The following BAIAP2L2 variants were observed in gnomAD, a reference collection of about 807,000 sequenced individuals.
The protein encoded by BAIAP2L2 is BAR/IMD domain containing adaptor protein 2 like 2.
In BAIAP2L2, 65 loss-of-function variants were observed where a neutral mutation model predicts 60.4. The observed-to-expected ratio is 1.08, with a 90% CI of 0.88 to 1.32. BAIAP2L2 has a LOEUF of 1.32. Among genes scored for constraint, BAIAP2L2 ranks in the 40% most tolerant of loss-of-function variants. The probability of loss-of-function intolerance (pLI) is 0.00; values close to 1 mark genes in which losing one functional copy is unlikely to be tolerated. For synonymous variants in BAIAP2L2, 344 were observed against 301.7 expected, an observed-to-expected ratio of 1.14 and a Z score of -1.45; for missense variants, 836 against 741.2, an observed-to-expected ratio of 1.13 and a Z score of -1.48.
chr22:38,085,534 A>AGAT (rs1220428569), intron 13 of BAIAP2L2, 152 bp downstream of exon 13: 6 of 1,248,866 alleles, frequency 4.8e-6, no homozygotes, highest in East Asian at 2.3e-5. Flanking sequence ...TTCTTTTAAG[A>AGAT]GATAGGGTCT....
At chr22:38,104,687 G>A (rs1357103140) in intron 4 of BAIAP2L2, among the ~76,000 whole-genome samples, 1 of 152,004 alleles carries the variant, frequency 6.6e-6, no homozygotes, top group Non-Finnish European at 1.5e-5. Context: ...TAGTAAAGAT[G>A]GGGTCTCACC....
upstream of BAIAP2L2, among the ~76,000 whole-genome samples, chr22:38,110,893 G>A (rs867379478): frequency 2.0e-5 from 3 of 152,038 alleles, no homozygotes; most frequent in African/African-American, 7.2e-5. Flanking sequence ...GGGGGGCCCC[G>A]CCCTCCCACC....
rs1475153976 is a variant in BAIAP2L2 at position 38,089,249 on chromosome 22, A to G, written c.766-18T>C. 9.9e-4 allele frequency: 34 copies of G among 34,322 alleles called. No homozygotes were observed. Among genetic ancestry groups the G allele is most frequent in the South Asian group, 1.8e-3 (1 of 560 alleles). 2.1% of individuals were successfully genotyped at this position (34,322 alleles called of 1,614,324 possible). Reference sequence around the variant, plus strand: ...CTCGGGGGCTGCGGGGGAGATGGGCAGGGGAGGGTGGGGCGGGGGGGGGGG... The same window carrying G: ...CTCGGGGGCTGCGGGGGAGATGGGCGGGGGAGGGTGGGGCGGGGGGGGGGG... On this transcript the variant is annotated intron_variant, in intron 8 of 13. Transcript: ENST00000381669.
chr22:38,090,233 CCCGAGTAGCTGGGATTACAGGCGCCTG>C (rs2086264633), intron 7 of BAIAP2L2: 1 of 151,252 alleles, frequency 6.6e-6, no homozygotes, highest in Non-Finnish European at 1.5e-5. Context: ...TCCTCAGCCT[CCCGAGTAGCTGGGATTACAGGCGCCTG>C]CCACCATGCC....
chr22:38,093,102 G>A (rs920946476), intron 7 of BAIAP2L2, among the ~76,000 whole-genome samples: 1 of 152,182 alleles, frequency 6.6e-6, no homozygotes, highest in African/African-American at 2.4e-5. Flanking sequence ...GGAGGTGGAG[G>A]TTGCAGTGAG....
intron 13 of BAIAP2L2, 85 bp from the exon 14 acceptor site, chr22:38,085,460 C>T (rs1569213459): frequency 6.9e-7 from 1 of 1,449,862 alleles, no homozygotes; most frequent in Non-Finnish European, 9.6e-7. Context: ...GGCAACTGAG[C>T]TGGGTCCTGC....
rs2086205917 is a variant in BAIAP2L2 at position 38,089,218 on chromosome 22, AGGGGCCTCG to A, written c.770_778del (p.Pro257_Pro259del). ...GCTGCGGGGGGAGCTGAACTCTCCCAGGGGCCTCGGGGGCTGCGGGGGAGATGGGCAGGG... is the reference window on the plus strand; with the variant it reads ...GCTGCGGGGGGAGCTGAACTCTCCCAGGGGCTGCGGGGGAGATGGGCAGGG... On this transcript the variant is annotated inframe_deletion, in exon 9 of 14. Transcript: ENST00000381669. 3 of 933,440 alleles carry A rather than the reference AGGGGCCTCG, an allele frequency of 3.2e-6. No individual in the cohort carries two copies. In the African/African-American group the frequency reaches 6.8e-5, roughly 21 times the overall value. 57.8% of individuals were successfully genotyped at this position (933,440 alleles called of 1,614,324 possible).
chr22:38,087,292 C>A lies in BAIAP2L2; in HGVS notation c.1119-28G>T, dbSNP rs781200393. ...GTGGGGTAGAGGCAGAGGACAATGA[C>A]CAAAAGAAGCCAGGCCTGGGGACAA... is the stretch of plus-strand genomic sequence containing the variant. On this transcript the variant is annotated intron_variant, in intron 10 of 13. Coordinates refer to ENST00000381669, the MANE Select transcript of BAIAP2L2 (RefSeq NM_025045.6). The A allele has an allele frequency of 6.3e-6, 10 of 1,583,668 alleles. No homozygotes were observed. The South Asian group carries it at 1.0e-4, about 17-fold the overall frequency.
At position 38,102,010 on chromosome 22, in the gene BAIAP2L2, T is replaced by C. The variant is rs542526380; in HGVS notation, c.277-3528A>G. ...GTGAGGTCAGTGTGACCAGCATCCA[T>C]GTGGATGGAGCAGTGGGAGGTAGCT... On this transcript the variant is annotated intron_variant, in intron 4 of 13. Coordinates refer to ENST00000381669, the MANE Select transcript of BAIAP2L2 (RefSeq NM_025045.6). 2.0e-5 allele frequency among the ~76,000 whole-genome samples: 3 copies of C among 152,116 alleles called. No individual in the cohort carries two copies. In the South Asian group the frequency reaches 6.2e-4, roughly 32 times the overall value.
intron 8 of BAIAP2L2, 70 bp downstream of exon 8, chr22:38,089,452 G>A (rs920399633): frequency 2.2e-6 from 2 of 891,742 alleles, no homozygotes; most frequent in South Asian, 1.1e-4. Flanking sequence ...CAGGCTGGGG[G>A]CCTGAGGCCC....
chr22:38,087,123 C>A lies in BAIAP2L2; in HGVS notation c.1259+1G>T. On this transcript the variant is annotated splice_donor_variant, in intron 11 of 13. Coordinates refer to ENST00000381669, the MANE Select transcript of BAIAP2L2 (RefSeq NM_025045.6). LOFTEE classifies it high-confidence loss of function. The stretch of plus-strand genomic sequence containing the variant: ...CGCCCCACCCCTGATGACTCAGGTA[C>A]CTGGAAGGCAGCTCGTTCCCGGGGT... 2 of 1,566,908 alleles carry A rather than the reference C, an allele frequency of 1.3e-6. No homozygotes were observed. The highest frequency in any genetic ancestry group is 1.7e-6 in the Non-Finnish European group (2 of 1,158,788).
chr22:38,097,155 T>A lies in BAIAP2L2; in HGVS notation c.489A>T (p.Ala163=), dbSNP rs1185469530. The change falls in exon 7 of 14, where the codon GCA becomes GCT. Residue 163 remains alanine (A), a synonymous_variant. Coordinates refer to ENST00000381669, the MANE Select transcript of BAIAP2L2 (RefSeq NM_025045.6). ...TCTCAGACACGAAGGCCTGCATCTG[T>A]GCGTGCAGCCGGTTCACACTCTCCT... The part of the protein sequence containing the change: ...EMKESVNRLH[A]QMQAFVSESQ... The A allele has an allele frequency of 1.9e-6, 3 of 1,613,832 alleles. No individual in the cohort carries two copies. The highest frequency in any genetic ancestry group is 1.7e-6 in the Non-Finnish European group (2 of 1,180,012).
At chr22:38,085,585 G>C in intron 13 of BAIAP2L2, 101 bp downstream of exon 13, 1 of 1,422,860 alleles carries the variant, frequency 7.0e-7, no homozygotes, top group Non-Finnish European at 9.9e-7. Context: ...TTGGAATCAA[G>C]AGATCCTCCT....
At chr22:38,090,848 A>C (rs952884087) in intron 7 of BAIAP2L2, 1 of 152,206 alleles carries the variant, frequency 6.6e-6, no homozygotes, top group African/African-American at 2.4e-5. Context: ...CCCATGACTA[A>C]AAACCTCACG....
intron 12 of BAIAP2L2, 86 bp downstream of exon 12, chr22:38,086,156 G>A (rs766092233): frequency 2.7e-4 from 390 of 1,429,038 alleles, no homozygotes; most frequent in Non-Finnish European, 3.6e-4. Context: ...TCCCCTGCCA[G>A]ACAGCCGGTG....
chr22:38,102,985 G>C lies in BAIAP2L2; in HGVS notation c.277-4503C>G, dbSNP rs548555534. ...GGCGTGAACCTGGGAGGCGGAGCTT[G>C]CAGTGAGCCGATATCACACCACTGC... On this transcript the variant is annotated intron_variant, in intron 4 of 13. Coordinates refer to ENST00000381669, the MANE Select transcript of BAIAP2L2 (RefSeq NM_025045.6). 4.6e-4 allele frequency among the ~76,000 whole-genome samples: 70 copies of C among 151,712 alleles called. 1 individual carries two copies. The highest frequency in any genetic ancestry group is 1.5e-3 in the African/African-American group (64 of 41,326).
chr22:38,097,924 C>T, intron 6 of BAIAP2L2, 139 bp downstream of exon 6: 1 of 820,472 alleles, frequency 1.2e-6, no homozygotes, highest in South Asian at 1.5e-5. Flanking sequence ...GGCTGACCTC[C>T]CCAGCCACGC....
At chr22:38,110,160 A>AGAGAGGGAGAGAGAGAGG (rs2086809808) in intron 1 of BAIAP2L2, among the ~76,000 whole-genome samples, 3 of 112,438 alleles carry the variant, frequency 2.7e-5, no homozygotes, top group African/African-American at 1.7e-4. Context: ...GGAGAGACAG[A>AGAGAGGGAGAGAGAGAGG]GAGAGAGAGG....
At position 38,089,247 on chromosome 22, in the gene BAIAP2L2, G is replaced by A. The variant is rs1474921985; in HGVS notation, c.766-16C>T. 2 of 319,928 alleles carry A rather than the reference G, an allele frequency of 6.3e-6. No individual in the cohort carries two copies. Among genetic ancestry groups the A allele is most frequent in the African/African-American group, 2.4e-5 (1 of 41,816 alleles). The allele number at this position is 319,928 out of a possible 1,614,324, so 19.8% of individuals were successfully genotyped here. ...GCCTCGGGGGCTGCGGGGGAGATGG[G>A]CAGGGGAGGGTGGGGCGGGGGGGGG... On this transcript the variant is annotated splice_polypyrimidine_tract_variant and intron_variant, in intron 8 of 13. Transcript: ENST00000381669.
Sources: allele counts gnomAD v4.1 joint callset (sites outside exome capture counted in the v4.1 genomes callset), GRCh38; gene constraint gnomAD v4.1.1; transcripts MANE v1.5; gene names NCBI Gene and HGNC (gene_info 2026-07-23, HGNC 2026-07-21).